WWOX: variants seen among roughly 807,000 people sequenced by gnomAD.
The protein encoded by WWOX is WW domain containing oxidoreductase.
In WWOX, 69 loss-of-function variants were observed where a neutral mutation model predicts 46.2. The ratio of observed to expected loss-of-function variants is 1.49; its 90% confidence interval spans 1.23 to 1.82. WWOX has a LOEUF of 1.82. WWOX is among the 40% of genes most tolerant of loss of function. WWOX has a pLI of 0.00. For missense variants in WWOX, 919 were observed against 542.6 expected (o/e 1.69, Z -6.89); for synonymous variants, 359 against 202.6 (o/e 1.77, Z -6.56).
At chr16:78,659,138 G>A (rs927098819) in intron 8 of WWOX, among the ~76,000 whole-genome samples, 1 of 151,584 alleles carries the variant, frequency 6.6e-6, no homozygotes, top group African/African-American at 2.4e-5. Flanking sequence ...ACACATGCTG[G>A]TGCACACATA....
chr16:78,715,244 C>T (rs187781466), intron 8 of WWOX, among the ~76,000 whole-genome samples: 13 of 152,270 alleles, frequency 8.5e-5, no homozygotes, highest in African/African-American at 2.9e-4. Flanking sequence ...AACTGTAACA[C>T]ACAGAGCTTT....
At chr16:78,939,759 A>C (rs1469949279) in intron 8 of WWOX, among the ~76,000 whole-genome samples, 2 of 152,218 alleles carry the variant, frequency 1.3e-5, no homozygotes, top group East Asian at 3.8e-4. Flanking sequence ...AGCCCCTTTT[A>C]ATGACAACTT....
chr16:78,997,280 A>T (rs922366371), intron 8 of WWOX, among the ~76,000 whole-genome samples: 1 of 152,206 alleles, frequency 6.6e-6, no homozygotes, highest in Non-Finnish European at 1.5e-5. Flanking sequence ...ATGTTATAAT[A>T]TAAGGTCCTT....
chr16:79,000,467 G>A (rs576370371), intron 8 of WWOX, among the ~76,000 whole-genome samples: 117 of 152,276 alleles, frequency 7.7e-4, no homozygotes, highest in Middle Eastern at 3.4e-3. Context: ...TCAGAGATGG[G>A]GAAAAGAGAG....
chr16:79,198,396 C>T (rs1490569053), intron 8 of WWOX, among the ~76,000 whole-genome samples: 1 of 152,016 alleles, frequency 6.6e-6, no homozygotes. Flanking sequence ...GAAAATAAAT[C>T]CTCCCGCTTT....
intron 8 of WWOX, among the ~76,000 whole-genome samples, chr16:78,674,901 C>T (rs1211373799): frequency 6.6e-6 from 1 of 151,546 alleles, no homozygotes; most frequent in African/African-American, 2.4e-5. Flanking sequence ...GGTGACAGAC[C>T]CAAGTTCAAG....
chr16:78,537,567 C>G (rs2043789468), intron 8 of WWOX, among the ~76,000 whole-genome samples: 1 of 152,098 alleles, frequency 6.6e-6, no homozygotes, highest in African/African-American at 2.4e-5. Flanking sequence ...ACATACTAAA[C>G]CATATTGTTT....
chr16:78,597,146 C>A (rs150779624), intron 8 of WWOX, among the ~76,000 whole-genome samples: 4 of 152,230 alleles, frequency 2.6e-5, no homozygotes, highest in African/African-American at 7.2e-5. Flanking sequence ...TTATTTTAGC[C>A]GGTGCCTTTG....
intron 5 of WWOX, among the ~76,000 whole-genome samples, chr16:78,236,858 C>T (rs1184675016): frequency 2.0e-5 from 3 of 151,974 alleles, no homozygotes; most frequent in Non-Finnish European, 2.9e-5. Context: ...GGGAGGATCA[C>T]GAGGTCAGGA....
chr16:78,221,466 A>G (rs933811551), intron 5 of WWOX, among the ~76,000 whole-genome samples: 1 of 152,162 alleles, frequency 6.6e-6, no homozygotes, highest in African/African-American at 2.4e-5. Context: ...TCCTATTTCC[A>G]TTAATGGTGG....
At position 78,737,928 on chromosome 16, in the gene WWOX, T is replaced by C. The variant is rs58869383; in HGVS notation, c.1056+305176T>C. ...GTCAGTCATTTCCCTATATCAGTAT[T>C]TATTGTTTTAATCAATTTTCCCCAT... is the stretch of plus-strand genomic sequence containing the variant. On this transcript the variant is annotated intron_variant, in intron 8 of 8. Coordinates refer to ENST00000566780, the MANE Select transcript of WWOX (RefSeq NM_016373.4). Among the ~76,000 whole-genome samples, 841 of 152,234 alleles carry C rather than the reference T, an allele frequency of 5.5e-3. 11 individuals carry two copies. The highest frequency in any genetic ancestry group is 0.019 in the African/African-American group (803 of 41,544).
intron 8 of WWOX, among the ~76,000 whole-genome samples, chr16:78,649,991 T>A (rs2046930735): frequency 1.3e-5 from 2 of 152,192 alleles, no homozygotes; most frequent in Non-Finnish European, 1.5e-5. Context: ...GGTTCCATTG[T>A]ATATTTTTTT....
chr16:79,019,500 G>A (rs2047488459), intron 8 of WWOX, among the ~76,000 whole-genome samples: 1 of 151,976 alleles, frequency 6.6e-6, no homozygotes, highest in Admixed American at 6.6e-5. Context: ...TAATCTTTGG[G>A]ACAGCCATCA....
chr16:79,016,899 T>C (rs1476675887), intron 8 of WWOX: 1 of 152,172 alleles, frequency 6.6e-6, no homozygotes, highest in Non-Finnish European at 1.5e-5. Context: ...TATTATGTTT[T>C]CCAAAATAGG....
chr16:78,907,224 C>T (rs1037125182), intron 8 of WWOX, among the ~76,000 whole-genome samples: 7 of 152,068 alleles, frequency 4.6e-5, no homozygotes, highest in Admixed American at 4.6e-4. Flanking sequence ...CCTGAATCCG[C>T]TTCTGGGTGG....
chr16:78,359,880 T>C (rs148878630), intron 5 of WWOX, among the ~76,000 whole-genome samples: 10 of 152,294 alleles, frequency 6.6e-5, no homozygotes, highest in African/African-American at 2.4e-4. Flanking sequence ...AGCAAAAACA[T>C]GAGGAATGAA....
At chr16:78,167,704 A>G (rs1332730096) in intron 5 of WWOX, 1 of 152,298 alleles carries the variant, frequency 6.6e-6, no homozygotes, top group African/African-American at 2.4e-5. Flanking sequence ...TTGCACCAGA[A>G]GCTGTAGTTA....
intron 8 of WWOX, among the ~76,000 whole-genome samples, chr16:78,902,533 C>T (rs1276776236): frequency 1.3e-5 from 2 of 152,208 alleles, no homozygotes; most frequent in East Asian, 3.9e-4. Context: ...CCAGGCCTTC[C>T]CCCGTGACTG....
chr16:78,317,870 C>T (rs182886215), intron 5 of WWOX, among the ~76,000 whole-genome samples: 18 of 152,294 alleles, frequency 1.2e-4, no homozygotes, highest in South Asian at 2.1e-4. Flanking sequence ...TTTCACTCCC[C>T]GTAAACATCT....
Sources: gnomAD v4.1 joint callset for allele counts (sites outside exome capture counted in the v4.1 genomes callset) on GRCh38, gnomAD v4.1.1 for gene constraint, MANE v1.5 for transcripts, NCBI Gene and HGNC (gene_info 2026-07-23, HGNC 2026-07-21) for gene names.